SPATA6: variants seen among roughly 807,000 people sequenced by gnomAD.
The protein encoded by SPATA6 is spermatogenesis-associated protein 6.
Under a neutral mutation model 65.3 loss-of-function variants are expected in SPATA6, and 56 were observed. The observed-to-expected ratio is 0.86, with a 90% CI of 0.69 to 1.07. The LOEUF is 1.07. SPATA6 is among the 50% of genes least tolerant of loss of function. The pLI, the probability that SPATA6 is intolerant of heterozygous loss-of-function variation, is 0.00. For missense variants in SPATA6, 590 were observed against 594.8 expected (o/e 0.99, Z 0.08); for synonymous variants, 199 against 213.2 (o/e 0.93, Z 0.58).
chr1:48,436,697 G>A, intron 3 of SPATA6: 3 of 1,614,110 alleles, frequency 1.9e-6, no homozygotes, highest in South Asian at 1.1e-5. Context: ...GATTTACATG[G>A]GTATAATGTG....
intron 9 of SPATA6, among the ~76,000 whole-genome samples, chr1:48,369,920 C>A (rs1647185130): frequency 6.6e-6 from 1 of 152,186 alleles, no homozygotes; most frequent in Non-Finnish European, 1.5e-5. Context: ...GCCATCTTGG[C>A]TCCACCCTCA....
At chr1:48,323,248 A>G (rs1158242903) in intron 11 of SPATA6, among the ~76,000 whole-genome samples, 1 of 152,182 alleles carries the variant, frequency 6.6e-6, no homozygotes, top group Non-Finnish European at 1.5e-5. Context: ...CATAAAAATG[A>G]TGAGTTCATG....
chr1:48,262,784 T>G, the SPATA6 span: 1 of 152,180 alleles, frequency 6.6e-6, no homozygotes, highest in Admixed American at 6.5e-5. Flanking sequence ...CTTCTCTGAC[T>G]CTTCCATTAA....
At chr1:48,442,601 G>A (rs369165316) in intron 3 of SPATA6, among the ~76,000 whole-genome samples, 1 of 151,132 alleles carries the variant, frequency 6.6e-6, no homozygotes, top group Non-Finnish European at 1.5e-5. Context: ...GAGAAAGAGA[G>A]AGAGAGAGAA....
chr1:48,459,673 A>G (rs898389681), intron 1 of SPATA6, among the ~76,000 whole-genome samples: 4 of 152,204 alleles, frequency 2.6e-5, no homozygotes, highest in African/African-American at 9.7e-5. Flanking sequence ...CCAAGGGCAC[A>G]TAAAAACATT....
chr1:48,361,808 G>C (rs1298521005), intron 9 of SPATA6, among the ~76,000 whole-genome samples: 1 of 152,078 alleles, frequency 6.6e-6, no homozygotes, highest in Non-Finnish European at 1.5e-5. Context: ...CATAAGTCCA[G>C]CATAGGTTTT....
chr1:48,322,015 C>G (rs1010597459), intron 11 of SPATA6, among the ~76,000 whole-genome samples: 1 of 151,810 alleles, frequency 6.6e-6, no homozygotes, highest in African/African-American at 2.4e-5. Flanking sequence ...AAAAGCAGTA[C>G]TAAGAGGAAA....
chr1:48,465,825 C>A (rs1300067793), intron 1 of SPATA6, among the ~76,000 whole-genome samples: 3 of 152,114 alleles, frequency 2.0e-5, no homozygotes, highest in African/African-American at 7.2e-5. Flanking sequence ...AAAGTGTACT[C>A]TTTCCTCAAT....
At chr1:48,280,863 G>T in the SPATA6 span, among the ~76,000 whole-genome samples, 3 of 152,090 alleles carry the variant, frequency 2.0e-5, no homozygotes, top group East Asian at 5.8e-4. Context: ...TACCAAAGCC[G>T]AGCAGAGACA....
At chr1:48,366,517 C>A (rs767245553) in intron 9 of SPATA6, among the ~76,000 whole-genome samples, 1 of 152,128 alleles carries the variant, frequency 6.6e-6, no homozygotes, top group Admixed American at 6.5e-5. Context: ...TCCTGGTTTA[C>A]TCTTGGGAGG....
chr1:48,367,631 T>C (rs541487034), intron 9 of SPATA6, among the ~76,000 whole-genome samples: 18 of 152,284 alleles, frequency 1.2e-4, no homozygotes, highest in African/African-American at 4.3e-4. Flanking sequence ...CTGCCTTTTT[T>C]TGTTTTCCAT....
chr1:48,326,891 T>C (rs1051078432), intron 11 of SPATA6, among the ~76,000 whole-genome samples: 1 of 151,980 alleles, frequency 6.6e-6, no homozygotes, highest in Non-Finnish European at 1.5e-5. Flanking sequence ...CCTGAAACTA[T>C]AAAAAGCCTG....
chr1:48,264,677 G>A, the SPATA6 span, among the ~76,000 whole-genome samples: 1 of 152,238 alleles, frequency 6.6e-6, no homozygotes, highest in African/African-American at 2.4e-5. Context: ...TTTCATCCAT[G>A]TCCCTGCAAA....
intron 3 of SPATA6, among the ~76,000 whole-genome samples, chr1:48,443,765 T>A (rs1358753858): frequency 6.6e-6 from 1 of 152,208 alleles, no homozygotes; most frequent in Non-Finnish European, 1.5e-5. Context: ...ACATGACTTC[T>A]TCCCTTTCTA....
intron 11 of SPATA6, among the ~76,000 whole-genome samples, chr1:48,319,945 C>T (rs1194457488): frequency 6.6e-6 from 1 of 152,180 alleles, no homozygotes; most frequent in Non-Finnish European, 1.5e-5. Context: ...CAACTTCCCA[C>T]TTCCACTGCT....
intron 11 of SPATA6, among the ~76,000 whole-genome samples, chr1:48,346,299 A>C (rs1393522154): frequency 6.6e-6 from 1 of 152,128 alleles, no homozygotes; most frequent in South Asian, 2.1e-4. Context: ...AAAACTCTCA[A>C]TAAACTAAGC....
chr1:48,464,121 G>T (rs747122585), intron 1 of SPATA6, among the ~76,000 whole-genome samples: 18 of 151,972 alleles, frequency 1.2e-4, no homozygotes, highest in Non-Finnish European at 2.5e-4. Flanking sequence ...AACTACATTT[G>T]AAATGGCTGA....
chr1:48,284,402 A>G, the SPATA6 span, among the ~76,000 whole-genome samples: 159 of 152,242 alleles, frequency 1.0e-3, no homozygotes, highest in African/African-American at 3.7e-3. Flanking sequence ...GGAGTTTGTT[A>G]TTATGCACCT....
the SPATA6 span, among the ~76,000 whole-genome samples, chr1:48,284,639 G>T: frequency 6.6e-6 from 1 of 152,160 alleles, no homozygotes; most frequent in Non-Finnish European, 1.5e-5. Flanking sequence ...TTTGTTGATG[G>T]TGATGCTATT....
Sources: allele counts gnomAD v4.1 joint callset (sites outside exome capture counted in the v4.1 genomes callset), GRCh38; gene constraint gnomAD v4.1.1; transcripts MANE v1.5; gene names NCBI Gene and HGNC (gene_info 2026-07-23, HGNC 2026-07-21).